The following TSHZ2 variants were observed in gnomAD, a reference collection of about 807,000 sequenced individuals.
TSHZ2 encodes teashirt zinc finger homeobox 2, also known as teashirt homolog 2.
TSHZ2 carries 21 observed loss-of-function variants against 74.4 expected under a neutral mutation model. That is an observed-to-expected ratio of 0.28 (90% confidence interval 0.20 to 0.41). TSHZ2 has a LOEUF of 0.41. Among genes scored for constraint, TSHZ2 ranks in the 10% least tolerant of loss-of-function variants. TSHZ2 has a pLI of 1.00. For missense variants in TSHZ2, 1,244 were observed against 1,293.5 expected (o/e 0.96, Z 0.59); for synonymous variants, 540 against 515.3 (o/e 1.05, Z -0.65).
intron 1 of TSHZ2, among the ~76,000 whole-genome samples, chr20:53,001,353 T>G (rs1982435298): frequency 6.6e-6 from 1 of 152,064 alleles, no homozygotes; most frequent in Admixed American, 6.6e-5. Flanking sequence ...GGAAAGCCTG[T>G]GTTATTCTCT....
rs55692015 is a variant in TSHZ2, at chr20:53,008,980, CCTCTCTCTCTCTCTCTCTCTCTCT to C, written c.40+35675_40+35698del. Among the ~76,000 whole-genome samples, 395 of 130,530 alleles carry C rather than the reference CCTCTCTCTCTCTCTCTCTCTCTCT, an allele frequency of 3.0e-3. 1 individual carries two copies. Among genetic ancestry groups the C allele is most frequent in the African/African-American group, 0.011 (339 of 31,902 alleles). 85.6% of individuals were successfully genotyped at this position (130,530 alleles called of 152,430 possible). Reference sequence around the variant, plus strand: ...GAAGTTATTTGAATGTTGTCTTTCTCCTCTCTCTCTCTCTCTCTCTCTCTCTCTCTCTCTCTCTCTCTCTCTCTC... The same window carrying C: ...GAAGTTATTTGAATGTTGTCTTTCTCCTCTCTCTCTCTCTCTCTCTCTCTC... On this transcript the variant is annotated intron_variant, in intron 1 of 2. Coordinates refer to ENST00000371497, the MANE Select transcript of TSHZ2 (RefSeq NM_173485.6).
rs558049021 is a variant in TSHZ2 at position 53,409,870 on chromosome 20, G to A, written c.*9-77274G>A. On this transcript the variant is annotated intron_variant, in intron 2 of 2. Coordinates refer to ENST00000371497, the MANE Select transcript of TSHZ2 (RefSeq NM_173485.6). ...TTTTTTTTTTTTTTTTTTTTGAGAC[G>A]GAGTCTTGTTCCGTCGCCCAGACTG... Among the ~76,000 whole-genome samples, 5 of 121,216 alleles carry A rather than the reference G, an allele frequency of 4.1e-5. No homozygotes were observed. The East Asian group carries it at 1.2e-3, about 28-fold the overall frequency. The allele number at this position is 121,216 out of a possible 152,430, so 79.5% of individuals were successfully genotyped here.
chr20:53,111,232 C>G (rs1216325719), intron 1 of TSHZ2, among the ~76,000 whole-genome samples: 4 of 152,112 alleles, frequency 2.6e-5, no homozygotes, highest in Non-Finnish European at 5.9e-5. Context: ...CAGACGTGGC[C>G]AGGAGAAGAT....
At position 53,011,647 on chromosome 20, in the gene TSHZ2, T is replaced by G. The variant is rs1420693076; in HGVS notation, c.40+38314T>G. Among the ~76,000 whole-genome samples, 30 of 152,136 alleles carry G rather than the reference T, an allele frequency of 2.0e-4. 1 individual carries two copies. Among genetic ancestry groups the G allele is most frequent in the Admixed American group, 2.0e-3 (30 of 15,260 alleles). On this transcript the variant is annotated intron_variant, in intron 1 of 2. Coordinates refer to ENST00000371497, the MANE Select transcript of TSHZ2 (RefSeq NM_173485.6). ...AAATTAGGGTAGGAGCATAGTAGGA[T>G]CTCAAGAAATGTTTGTTTCATGGTT...
chr20:53,065,044 G>A (rs1300908042), intron 1 of TSHZ2, among the ~76,000 whole-genome samples: 1 of 152,206 alleles, frequency 6.6e-6, no homozygotes, highest in African/African-American at 2.4e-5. Context: ...CGGTACATAA[G>A]TTACCTGTGC....
chr20:53,039,804 A>T (rs898060682), intron 1 of TSHZ2, among the ~76,000 whole-genome samples: 5 of 151,616 alleles, frequency 3.3e-5, no homozygotes, highest in Non-Finnish European at 7.4e-5. Context: ...ACACACACAC[A>T]CACACACACA....
At chr20:53,359,566 A>G (rs1980975144) in intron 2 of TSHZ2, among the ~76,000 whole-genome samples, 1 of 152,254 alleles carries the variant, frequency 6.6e-6, no homozygotes, top group African/African-American at 2.4e-5. Flanking sequence ...TTTGGCGCCA[A>G]CATTCATTTG....
At chr20:53,150,024 A>G (rs16997621) in intron 1 of TSHZ2, among the ~76,000 whole-genome samples, 2,827 of 152,260 alleles carry the variant, frequency 0.019, 97 homozygotes, top group African/African-American at 0.065. Flanking sequence ...AGAAGTTAAC[A>G]CTTTCATAGT....
chr20:53,144,513 C>T (rs58304085), intron 1 of TSHZ2, among the ~76,000 whole-genome samples: 4,105 of 152,208 alleles, frequency 0.027, 211 homozygotes, highest in African/African-American at 0.093. Context: ...TAACAGCAAA[C>T]GCTTATACAA....
At chr20:53,317,388 T>C (rs984260826) in intron 2 of TSHZ2, among the ~76,000 whole-genome samples, 1 of 152,152 alleles carries the variant, frequency 6.6e-6, no homozygotes, top group Non-Finnish European at 1.5e-5. Context: ...CAGTCAAAAA[T>C]ATTGATTGCA....
intron 2 of TSHZ2, among the ~76,000 whole-genome samples, chr20:53,340,184 C>CTTTTTTT (rs557613827): frequency 3.6e-5 from 4 of 109,874 alleles, no homozygotes; most frequent in East Asian, 2.8e-4. Flanking sequence ...TTTCTTTTTT[C>CTTTTTTT]TTTTTTTTTT....
intron 1 of TSHZ2, among the ~76,000 whole-genome samples, chr20:53,242,880 C>T (rs959751912): frequency 6.6e-6 from 1 of 152,136 alleles, no homozygotes; most frequent in African/African-American, 2.4e-5. Flanking sequence ...ACAAGGTGGG[C>T]TGGGTATAGC....
At chr20:53,128,365 T>C (rs1987005519) in intron 1 of TSHZ2, among the ~76,000 whole-genome samples, 1 of 152,178 alleles carries the variant, frequency 6.6e-6, no homozygotes, top group Non-Finnish European at 1.5e-5. Context: ...TTGGTTTTAT[T>C]GTTTGTTTGT....
At chr20:53,467,621 C>T (rs939169867) in intron 2 of TSHZ2, among the ~76,000 whole-genome samples, 3 of 152,112 alleles carry the variant, frequency 2.0e-5, no homozygotes, top group African/African-American at 7.2e-5. Context: ...TAAGTTATGT[C>T]CCCCAATATC....
At chr20:53,127,378 TAAAAA>T (rs886723940) in intron 1 of TSHZ2, among the ~76,000 whole-genome samples, 2 of 152,102 alleles carry the variant, frequency 1.3e-5, no homozygotes, top group Admixed American at 6.5e-5. Context: ...AAACAAAAAA[TAAAAA>T]CATTGTAACA....
intron 2 of TSHZ2, among the ~76,000 whole-genome samples, chr20:53,257,978 C>T (rs916993780): frequency 6.6e-5 from 10 of 151,988 alleles, no homozygotes; most frequent in Admixed American, 2.6e-4. Flanking sequence ...GGGCTTGCCT[C>T]ACATCAGACA....
chr20:53,182,909 G>A (rs919673433), intron 1 of TSHZ2, among the ~76,000 whole-genome samples: 4 of 152,168 alleles, frequency 2.6e-5, no homozygotes, highest in African/African-American at 7.2e-5. Context: ...ACCTCATGGC[G>A]TTTTAATGAT....
At chr20:53,294,238 T>C (rs1162147180) in intron 2 of TSHZ2, among the ~76,000 whole-genome samples, 1 of 152,168 alleles carries the variant, frequency 6.6e-6, no homozygotes, top group Admixed American at 6.5e-5. Context: ...TTAGGCAGAT[T>C]AATAACAAAA....
chr20:53,413,788 T>G (rs1049975073), intron 2 of TSHZ2, among the ~76,000 whole-genome samples: 36 of 152,238 alleles, frequency 2.4e-4, no homozygotes. Flanking sequence ...TATTACTTAG[T>G]GGAAATACCA....
Sources: allele counts gnomAD v4.1 joint callset (sites outside exome capture counted in the v4.1 genomes callset), GRCh38; gene constraint gnomAD v4.1.1; transcripts MANE v1.5; gene names NCBI Gene and HGNC (gene_info 2026-07-23, HGNC 2026-07-21).